The following ABHD12 variants were observed in gnomAD, a reference collection of about 807,000 sequenced individuals.
ABHD12 encodes abhydrolase domain containing 12, lysophospholipase.
A neutral mutation model predicts 58.3 loss-of-function variants in ABHD12; 43 were observed. The ratio of observed to expected loss-of-function variants is 0.74; its 90% CI spans 0.58 to 0.95. ABHD12 has a LOEUF of 0.95. ABHD12 is among the 40% of genes least tolerant of loss of function. ABHD12 has a pLI of 0.00. For missense variants in ABHD12, 539 were observed against 537.2 expected (o/e 1.00, Z -0.03); for synonymous variants, 219 against 211.2 (o/e 1.04, Z -0.32).
intron 1 of ABHD12, among the ~76,000 whole-genome samples, chr20:25,342,463 T>G (rs1218787309): frequency 6.6e-6 from 1 of 152,114 alleles, no homozygotes; most frequent in Non-Finnish European, 1.5e-5. Flanking sequence ...CATTTTTTTT[T>G]TTTTTTTTTT....
chr20:25,316,813 C>T (rs1467510979), intron 5 of ABHD12, among the ~76,000 whole-genome samples: 1 of 152,200 alleles, frequency 6.6e-6, no homozygotes, highest in Admixed American at 6.5e-5. Flanking sequence ...CATGCACCTG[C>T]AGTCTCAGGA....
chr20:25,306,151 A>G (rs2088734575), intron 10 of ABHD12, among the ~76,000 whole-genome samples: 2 of 150,924 alleles, frequency 1.3e-5, no homozygotes, highest in Non-Finnish European at 2.9e-5. Context: ...TGGGTGACAG[A>G]GCAAGACTCC....
chr20:25,384,476 G>C (rs1281991823), intron 1 of ABHD12, among the ~76,000 whole-genome samples: 1 of 151,834 alleles, frequency 6.6e-6, no homozygotes, highest in Non-Finnish European at 1.5e-5. Context: ...CGGGTGCACT[G>C]GCTCATGCCT....
chr20:25,384,813 ACTC>A (rs2090067344), intron 1 of ABHD12, among the ~76,000 whole-genome samples: 2 of 152,130 alleles, frequency 1.3e-5, no homozygotes, highest in Non-Finnish European at 1.5e-5. Context: ...CAATCTGGCC[ACTC>A]TGGGACCACA....
intron 2 of ABHD12, 168 bp downstream of exon 2, chr20:25,339,055 CCTAT>C (rs2089418535): frequency 1.4e-6 from 2 of 1,395,260 alleles, no homozygotes; most frequent in Non-Finnish European, 9.4e-7. Context: ...GGTAGCTCTA[CCTAT>C]CTATCTCTAA....
chr20:25,334,587 G>C (rs1458253550), intron 2 of ABHD12, among the ~76,000 whole-genome samples: 2 of 151,958 alleles, frequency 1.3e-5, no homozygotes, highest in Admixed American at 1.3e-4. Context: ...AAACAGCATG[G>C]TACTGGTACC....
chr20:25,349,908 T>C (rs1754519741), intron 1 of ABHD12, among the ~76,000 whole-genome samples: 1 of 152,240 alleles, frequency 6.6e-6, no homozygotes, highest in African/African-American at 2.4e-5. Context: ...TTTTATGTTA[T>C]ATATATTTCA....
chr20:25,320,413 A>G, intron 3 of ABHD12, 95 bp from the exon 4 acceptor site: 2 of 1,564,020 alleles, frequency 1.3e-6, no homozygotes, highest in East Asian at 2.2e-5. Context: ...GCTCAAGTCC[A>G]GACAGCAGGG....
chr20:25,344,214 C>T lies in ABHD12; in HGVS notation c.192-4863G>A, dbSNP rs150443138. Reference sequence around the variant, plus strand: ...TAAGATTAGGAACAAAGCAAGATTACACAATAAGATAAGAAAAGGAGATAA... The same window carrying T: ...TAAGATTAGGAACAAAGCAAGATTATACAATAAGATAAGAAAAGGAGATAA... On this transcript the variant is annotated intron_variant, in intron 1 of 12. Transcript: ENST00000339157. Among the ~76,000 whole-genome samples, 453 of 152,160 alleles carry T rather than the reference C, an allele frequency of 3.0e-3. 2 individuals carry two copies. Among genetic ancestry groups the T allele is most frequent in the Non-Finnish European group, 5.4e-3 (369 of 68,006 alleles).
intron 1 of ABHD12, among the ~76,000 whole-genome samples, chr20:25,372,755 C>T (rs764150386): frequency 4.6e-5 from 7 of 152,092 alleles, no homozygotes; most frequent in African/African-American, 9.7e-5. Flanking sequence ...ATGGCTGTAG[C>T]GTCACAGTGA....
intron 11 of ABHD12, 150 bp downstream of exon 11, chr20:25,303,400 G>A: frequency 6.6e-7 from 1 of 1,523,522 alleles, no homozygotes; most frequent in Non-Finnish European, 8.8e-7. Context: ...GGAGGATGAG[G>A]TGGCCTCCTG....
chr20:25,373,626 A>G (rs1418487114), intron 1 of ABHD12, among the ~76,000 whole-genome samples: 1 of 150,978 alleles, frequency 6.6e-6, no homozygotes, highest in Admixed American at 6.6e-5. Flanking sequence ...TTCTTTGCCC[A>G]TATCTTTGTT....
chr20:25,318,628 G>A (rs2089007681), intron 4 of ABHD12, among the ~76,000 whole-genome samples: 2 of 151,664 alleles, frequency 1.3e-5, no homozygotes, highest in Admixed American at 1.3e-4. Flanking sequence ...TGAAAGTCAC[G>A]GCATCCCTTT....
At chr20:25,388,241 TA>T (rs2090120797) in intron 1 of ABHD12, among the ~76,000 whole-genome samples, 1 of 152,108 alleles carries the variant, frequency 6.6e-6, no homozygotes. Flanking sequence ...AGAAGGATCA[TA>T]AAAGACACAA....
At chr20:25,315,592 G>A (rs971234677) in intron 5 of ABHD12, among the ~76,000 whole-genome samples, 5 of 151,932 alleles carry the variant, frequency 3.3e-5, no homozygotes, top group African/African-American at 7.3e-5. Context: ...CTTTGGGGGG[G>A]TTGTTGGGTG....
intron 9 of ABHD12, 102 bp downstream of exon 9, chr20:25,307,864 A>G: frequency 2.0e-6 from 1 of 504,636 alleles, no homozygotes; most frequent in Non-Finnish European, 3.3e-6. Context: ...AGAATATTTA[A>G]ATAACAATTT....
downstream of ABHD12, chr20:25,296,775 T>G: frequency 2.0e-6 from 1 of 490,590 alleles, no homozygotes; most frequent in Non-Finnish European, 3.6e-6. Context: ...CCCTGCAGCT[T>G]CAGCACCTGC....
Position 25,390,654 on chromosome 20 carries a change from G to A in ABHD12, c.50C>T (p.Ala17Val). 1 of 1,439,672 alleles carries A rather than the reference G, an allele frequency of 6.9e-7. No homozygotes were observed. The highest frequency in any genetic ancestry group is 9.1e-7 in the Non-Finnish European group (1 of 1,100,338). The allele number at this position is 1,439,672 out of a possible 1,614,324, so 89.2% of individuals were successfully genotyped here. Reference sequence around the variant, plus strand: ...CGAGCCGGAGGAGGACGAGCCCGCGGCGGCGCAGCGCTCATGCTCCAAGGC... The same window carrying A: ...CGAGCCGGAGGAGGACGAGCCCGCGACGGCGCAGCGCTCATGCTCCAAGGC... ...PVALEHERCA[A>V]AGSSSSGSAA... The change falls in exon 1 of 13, where the codon GCC (alanine) becomes GTC (valine). Residue 17 changes from alanine (A) to valine (V), a missense_variant. Coordinates refer to ENST00000339157, the MANE Select transcript of ABHD12 (RefSeq NM_001042472.3).
chr20:25,349,946 C>T (rs2089575931), intron 1 of ABHD12, among the ~76,000 whole-genome samples: 2 of 152,112 alleles, frequency 1.3e-5, no homozygotes, highest in African/African-American at 4.8e-5. Context: ...ATCTAGGGAA[C>T]ATAATGAAAG....
Sources: allele counts gnomAD v4.1 joint callset (sites outside exome capture counted in the v4.1 genomes callset), GRCh38; gene constraint gnomAD v4.1.1; transcripts MANE v1.5; gene names NCBI Gene and HGNC (gene_info 2026-07-23, HGNC 2026-07-21).